The following ITPR2 variants were observed in gnomAD, a reference collection of about 807,000 sequenced individuals.
ITPR2 encodes inositol 1,4,5-trisphosphate receptor type 2.
In ITPR2, 207 loss-of-function variants were observed where a neutral mutation model predicts 317.1. The ratio of observed to expected loss-of-function variants is 0.65; its 90% CI spans 0.58 to 0.73. The LOEUF (loss-of-function observed/expected upper bound fraction) is 0.73, where lower values mean the gene tolerates loss of function less well. Among genes scored for constraint, ITPR2 ranks in the 30% least tolerant of loss-of-function variants. The pLI, the probability that ITPR2 is intolerant of heterozygous loss-of-function variation, is 0.00. For synonymous variants in ITPR2, 1,156 were observed against 1,149.1 expected, an observed-to-expected ratio of 1.01 and a Z score of -0.12; for missense variants, 2,613 against 3,284.0, an observed-to-expected ratio of 0.80 and a Z score of 4.99.
chr12:26,708,486 T>C (rs891767676), intron 9 of ITPR2, among the ~76,000 whole-genome samples: 7 of 152,186 alleles, frequency 4.6e-5, no homozygotes, highest in African/African-American at 1.7e-4. Flanking sequence ...TTAAGTGAAA[T>C]AAGCCAGGCA....
intron 37 of ITPR2, among the ~76,000 whole-genome samples, chr12:26,514,726 T>A (rs1943442531): frequency 1.3e-5 from 2 of 152,224 alleles, no homozygotes; most frequent in South Asian, 4.1e-4. Context: ...AAATTAAGTA[T>A]AAAGCTTCAC....
At chr12:26,685,845 T>C (rs1948114748) in intron 11 of ITPR2, among the ~76,000 whole-genome samples, 1 of 152,192 alleles carries the variant, frequency 6.6e-6, no homozygotes, top group Non-Finnish European at 1.5e-5. Context: ...CCTTAATTCA[T>C]TCAGATCGTT....
At chr12:26,368,254 T>C (rs758640419) in intron 55 of ITPR2, among the ~76,000 whole-genome samples, 1 of 152,164 alleles carries the variant, frequency 6.6e-6, no homozygotes, top group Non-Finnish European at 1.5e-5. Context: ...AACATCCTTG[T>C]TTTTCAAAAA....
chr12:26,366,839 A>G (rs1426760677), intron 55 of ITPR2, among the ~76,000 whole-genome samples: 1 of 152,200 alleles, frequency 6.6e-6, no homozygotes, highest in African/African-American at 2.4e-5. Flanking sequence ...GTTCTCTAAA[A>G]ACAACATTAA....
At chr12:26,347,798 G>T (rs1318333834) in intron 55 of ITPR2, among the ~76,000 whole-genome samples, 1 of 152,226 alleles carries the variant, frequency 6.6e-6, no homozygotes, top group African/African-American at 2.4e-5. Context: ...TCTAGGTATG[G>T]TATCACGGAT....
At position 26,565,805 on chromosome 12, in the gene ITPR2, C is replaced by T. The variant is rs192241472; in HGVS notation, c.4631-3853G>A. Among the ~76,000 whole-genome samples, 93 of 139,858 alleles carry T rather than the reference C, an allele frequency of 6.6e-4. No individual in the cohort carries two copies. The East Asian group carries it at 0.019, about 29-fold the overall frequency. The allele number at this position is 139,858 out of a possible 152,430, so 91.8% of individuals were successfully genotyped here. A position where few individuals can be genotyped will look rare whatever the true frequency, so the allele number is the denominator to read the frequency against. ...TAGGCAACACAGCAAAACCCTGTCT[C>T]TAAAAAGGAAAGAAAAGAAGAGAGG... On this transcript the variant is annotated intron_variant, in intron 34 of 56. Transcript: ENST00000381340.
Position 26,340,292 on chromosome 12 carries a change from T to C in ITPR2, c.7894A>G (p.Met2632Val). The change falls in exon 56 of 57, where the codon ATG (methionine) becomes GTG (valine). Residue 2632 changes from methionine to valine, a missense_variant. Physicochemically the swap from Met to Val is conservative, Grantham distance 21. This residue lies in a region of ITPR2 where 119 missense variants were observed against 144.3 expected (regional missense o/e 0.82). Transcript: ENST00000381340. ...TCGCCTTCATTGCTAACGAGGGACATGGCTCGCATCCGAGGAAACCAATCC... is the reference window on the plus strand; with the variant it reads ...TCGCCTTCATTGCTAACGAGGGACACGGCTCGCATCCGAGGAAACCAATCC... ...NLDWFPRMRAMSLVSNEGDSE... is the reference protein window; with the variant it reads ...NLDWFPRMRAVSLVSNEGDSE... 1.2e-6 allele frequency: 2 copies of C among 1,609,062 alleles called. No homozygotes were observed. Among genetic ancestry groups the C allele is most frequent in the Non-Finnish European group, 1.7e-6 (2 of 1,177,862 alleles).
intron 49 of ITPR2, 99 bp from the exon 50 acceptor site, chr12:26,419,312 G>A (rs1940818223): frequency 2.1e-6 from 2 of 968,202 alleles, no homozygotes; most frequent in East Asian, 5.3e-5. Flanking sequence ...TGACATGGAT[G>A]AAACAATTAT....
chr12:26,553,243 G>A (rs141392481), intron 36 of ITPR2, among the ~76,000 whole-genome samples: 1 of 152,210 alleles, frequency 6.6e-6, no homozygotes, highest in Non-Finnish European at 1.5e-5. Context: ...AGTAGGTGTT[G>A]ATTTGAATGG....
At chr12:26,501,931 A>C (rs967061841) in intron 37 of ITPR2, among the ~76,000 whole-genome samples, 1 of 152,204 alleles carries the variant, frequency 6.6e-6, no homozygotes, top group African/African-American at 2.4e-5. Flanking sequence ...GTGAAAATTA[A>C]ATGTTTAAAC....
At chr12:26,622,592 G>A (rs1404323826) in intron 24 of ITPR2, among the ~76,000 whole-genome samples, 187 bp from the exon 25 acceptor site, 2 of 152,214 alleles carry the variant, frequency 1.3e-5, no homozygotes, top group African/African-American at 4.8e-5. Flanking sequence ...AAAAGCTTGT[G>A]TCTGTCCATG....
rs188405969 is a variant in ITPR2 at position 26,556,742 on chromosome 12, A to G, written c.4822-367T>C. On this transcript the variant is annotated intron_variant, in intron 35 of 56. Transcript: ENST00000381340. Reference sequence around the variant, plus strand: ...CATGAGAGGTACTCATTACTTTGCAATAAATTAGGGGAATACCCAGGGAAC... The same window carrying G: ...CATGAGAGGTACTCATTACTTTGCAGTAAATTAGGGGAATACCCAGGGAAC... 2.3e-3 allele frequency among the ~76,000 whole-genome samples: 346 copies of G among 150,858 alleles called. 2 individuals are homozygous for G. The highest frequency in any genetic ancestry group is 3.3e-3 in the Non-Finnish European group (222 of 67,820).
At chr12:26,634,405 A>C (rs1946819978) in intron 21 of ITPR2, among the ~76,000 whole-genome samples, 1 of 152,226 alleles carries the variant, frequency 6.6e-6, no homozygotes, top group African/African-American at 2.4e-5. Flanking sequence ...TAATTAGTTA[A>C]TATTGACTGG....
At chr12:26,553,865 T>G (rs905227701) in intron 36 of ITPR2, among the ~76,000 whole-genome samples, 1 of 152,188 alleles carries the variant, frequency 6.6e-6, no homozygotes, top group Non-Finnish European at 1.5e-5. Flanking sequence ...AAACCCTTAG[T>G]TCTTCACAGA....
intron 13 of ITPR2, among the ~76,000 whole-genome samples, chr12:26,679,098 A>G (rs1222577245): frequency 2.6e-5 from 4 of 152,240 alleles, no homozygotes; most frequent in Non-Finnish European, 4.4e-5. Context: ...ATTTCCTGCC[A>G]TAATTTAGCT....
At chr12:26,467,442 A>C (rs1942196563) in intron 45 of ITPR2, among the ~76,000 whole-genome samples, 1 of 152,116 alleles carries the variant, frequency 6.6e-6, no homozygotes, top group Non-Finnish European at 1.5e-5. Context: ...TAAGCTAAAA[A>C]TTCAAGGGTC....
chr12:26,438,932 G>A (rs994046916), intron 47 of ITPR2, among the ~76,000 whole-genome samples, 195 bp downstream of exon 47: 1 of 152,154 alleles, frequency 6.6e-6, no homozygotes, highest in African/African-American at 2.4e-5. Flanking sequence ...AGGGCTTTCT[G>A]TTTTCCTTAA....
At chr12:26,376,834 T>C (rs911210072) in intron 55 of ITPR2, among the ~76,000 whole-genome samples, 1 of 152,066 alleles carries the variant, frequency 6.6e-6, no homozygotes, top group Admixed American at 6.6e-5. Flanking sequence ...TCTCAGGCAA[T>C]CCTCCTGCCT....
intron 35 of ITPR2, among the ~76,000 whole-genome samples, chr12:26,557,091 A>C (rs75558581): frequency 6.6e-6 from 1 of 152,142 alleles, no homozygotes; most frequent in Non-Finnish European, 1.5e-5. Context: ...ATTGAAAAAA[A>C]AAAAATTCCC....
Sources: allele counts gnomAD v4.1 joint callset (sites outside exome capture counted in the v4.1 genomes callset), GRCh38; gene constraint gnomAD v4.1.1; regional missense constraint gnomAD v4.1.1; transcripts MANE v1.5; gene names NCBI Gene and HGNC (gene_info 2026-07-23, HGNC 2026-07-21).